GABRA3: variants seen among roughly 807,000 people sequenced by gnomAD.
GABRA3 encodes gamma-aminobutyric acid type A receptor subunit alpha3.
Under a neutral mutation model 30.1 loss-of-function variants are expected in GABRA3, and 10 were observed. That is an observed-to-expected ratio of 0.33 (90% CI 0.20 to 0.56). The LOEUF (loss-of-function observed/expected upper bound fraction) is 0.56. GABRA3 is among the 20% of genes least tolerant of loss of function. The pLI, the probability that GABRA3 is intolerant of heterozygous loss-of-function variation, is 0.89. For synonymous variants in GABRA3, 151 were observed against 146.8 expected (o/e 1.03, Z -0.21); for missense variants, 233 against 392.0 (o/e 0.59, Z 3.42).
At chrX:152,174,351 C>T (rs1236103128) in intron 9 of GABRA3, among the ~76,000 whole-genome samples, 1 of 111,755 alleles carries the variant, frequency 8.9e-6, no homozygotes, top group Non-Finnish European at 1.9e-5. Context: ...TTCTAGATCC[C>T]TGAGGAATCG....
At chrX:152,361,636 G>A (rs539708396) in intron 2 of GABRA3, among the ~76,000 whole-genome samples, 1 of 101,916 alleles carries the variant, frequency 9.8e-6, no homozygotes, top group East Asian at 3.1e-4. Context: ...ATTTTTTGTG[G>A]TTTTTTTTTT....
chrX:152,268,220 G>T (rs1158216461), intron 4 of GABRA3, among the ~76,000 whole-genome samples: 1 of 110,445 alleles, frequency 9.1e-6, no homozygotes, highest in African/African-American at 3.3e-5. Context: ...AATTTGCTTT[G>T]TGATAAGGTT....
intron 1 of GABRA3, among the ~76,000 whole-genome samples, chrX:152,371,681 T>A (rs1443060396): frequency 1.8e-5 from 2 of 111,442 alleles, no homozygotes; most frequent in Non-Finnish European, 3.8e-5. Context: ...TCATTATCTC[T>A]ATCTCAACTT....
intron 6 of GABRA3, among the ~76,000 whole-genome samples, chrX:152,212,306 AAAAAAAAAAAAAAAAAAAAAAAAAAT>A (rs1487020778): frequency 0.011 from 831 of 77,285 alleles, 29 homozygotes; most frequent in Middle Eastern, 0.021. Context: ...AAAAAAAAAA[AAAAAAAAAAAAAAAAAAAAAAAAAAT>A]TCCAAATTGC....
At chrX:152,315,967 C>CTGGA (rs1939868635) in intron 3 of GABRA3, among the ~76,000 whole-genome samples, 1 of 50,599 alleles carries the variant, frequency 2.0e-5, no homozygotes, top group African/African-American at 8.3e-5. Context: ...AGGCCCGCCC[C>CTGGA]CCGACCCCCC....
chrX:152,369,795 G>GT (rs1928783445), intron 1 of GABRA3, among the ~76,000 whole-genome samples: 2 of 109,542 alleles, frequency 1.8e-5, no homozygotes, highest in African/African-American at 6.8e-5. Context: ...TGAGGATTTT[G>GT]GTTTTTTTTA....
At chrX:152,357,889 C>A (rs1398356701) in intron 2 of GABRA3, among the ~76,000 whole-genome samples, 2 of 110,764 alleles carry the variant, frequency 1.8e-5, no homozygotes, top group Non-Finnish European at 3.8e-5. Context: ...TCTGGGCTCT[C>A]TATTCGGTTC....
At chrX:152,406,110 C>T (rs1014088236) in intron 1 of GABRA3, among the ~76,000 whole-genome samples, 13 of 109,640 alleles carry the variant, frequency 1.2e-4, no homozygotes, top group Non-Finnish European at 1.9e-5. Flanking sequence ...GTTTAGTGTG[C>T]TCCCAAGTGC....
chrX:152,269,043 G>T (rs1399669896), intron 4 of GABRA3, among the ~76,000 whole-genome samples: 2 of 111,945 alleles, frequency 1.8e-5, no homozygotes, highest in African/African-American at 6.5e-5. Context: ...AAATTGTTCA[G>T]ACTTGTTTTG....
intron 4 of GABRA3, among the ~76,000 whole-genome samples, chrX:152,274,552 A>C (rs1235085098): frequency 1.8e-5 from 2 of 111,783 alleles, no homozygotes; most frequent in African/African-American, 3.2e-5. Flanking sequence ...CACTAAAAAA[A>C]TTTCAAGAAA....
At chrX:152,412,577 C>G (rs1268992032) in intron 1 of GABRA3, among the ~76,000 whole-genome samples, 1 of 111,622 alleles carries the variant, frequency 9.0e-6, no homozygotes, top group Non-Finnish European at 1.9e-5. Context: ...ACCTAGAAGA[C>G]ATTATGTTAA....
chrX:152,283,925 C>T (rs1381262416), intron 4 of GABRA3, among the ~76,000 whole-genome samples: 3 of 109,009 alleles, frequency 2.8e-5, no homozygotes, highest in African/African-American at 9.8e-5. Flanking sequence ...GTATACAAAG[C>T]AGATAATAGC....
At chrX:152,359,341 G>A (rs1355338775) in intron 2 of GABRA3, among the ~76,000 whole-genome samples, 5 of 110,585 alleles carry the variant, frequency 4.5e-5, no homozygotes, top group African/African-American at 1.6e-4. Flanking sequence ...TAGTTTGTAT[G>A]CATAGAGATG....
chrX:152,424,894 G>GCAAAT (rs1179691992), intron 1 of GABRA3, among the ~76,000 whole-genome samples: 1 of 100,464 alleles, frequency 1.0e-5, no homozygotes, highest in Non-Finnish European at 2.0e-5. Flanking sequence ...CTGTATACTT[G>GCAAAT]CAAATACTTC....
intron 1 of GABRA3, among the ~76,000 whole-genome samples, chrX:152,367,547 T>C (rs188011024): frequency 8.9e-6 from 1 of 111,820 alleles, no homozygotes; most frequent in East Asian, 2.8e-4. Context: ...AATTAATATC[T>C]TCATTCCAGA....
intron 4 of GABRA3, among the ~76,000 whole-genome samples, chrX:152,259,232 C>G (rs1477015065): frequency 8.9e-6 from 1 of 111,963 alleles, no homozygotes; most frequent in Non-Finnish European, 1.9e-5. Context: ...CTTCAGTTTC[C>G]ATAAGCCTTG....
chrX:152,319,733 T>C, intron 3 of GABRA3, among the ~76,000 whole-genome samples: 1 of 111,401 alleles, frequency 9.0e-6, no homozygotes, highest in Non-Finnish European at 1.9e-5. Context: ...TAGGTGGGAC[T>C]TAATTAACCT....
chrX:152,258,741 T>C (rs898296891), intron 4 of GABRA3, among the ~76,000 whole-genome samples: 1 of 111,763 alleles, frequency 8.9e-6, no homozygotes, highest in Admixed American at 9.4e-5. Flanking sequence ...ACTTCTTAAA[T>C]GCAACAATAG....
chrX:152,427,912 C>T (rs1930550935), intron 1 of GABRA3, among the ~76,000 whole-genome samples: 1 of 112,139 alleles, frequency 8.9e-6, no homozygotes, highest in African/African-American at 3.2e-5. Flanking sequence ...CTGGCCACAA[C>T]ATCTACAGCC....
Sources: gnomAD v4.1 joint callset for allele counts (sites outside exome capture counted in the v4.1 genomes callset) on GRCh38, gnomAD v4.1.1 for gene constraint, MANE v1.5 for transcripts, NCBI Gene and HGNC (gene_info 2026-07-23, HGNC 2026-07-21) for gene names.